Variants in CADM2 observed in about 807,000 individuals in gnomAD.
CADM2 encodes the protein immunoglobulin superfamily member 4D.
In CADM2, 12 loss-of-function variants were observed where a neutral mutation model predicts 49.8. That is an observed-to-expected ratio of 0.24 (90% CI 0.15 to 0.39). The LOEUF is 0.39. CADM2 is among the 10% of genes least tolerant of loss of function. The pLI is 1.00. For synonymous variants in CADM2, 214 were observed against 175.4 expected, an observed-to-expected ratio of 1.22 and a Z score of -1.74; for missense variants, 378 against 492.3, an observed-to-expected ratio of 0.77 and a Z score of 2.20.
chr3:85,621,210 C>G (rs1341763084), intron 1 of CADM2, among the ~76,000 whole-genome samples: 2 of 151,974 alleles, frequency 1.3e-5, no homozygotes, highest in African/African-American at 2.4e-5. Flanking sequence ...TGATCAGAAA[C>G]TATGTCTTAA....
At position 86,068,476 on chromosome 3, in the gene CADM2, G is replaced by A. The variant is rs1229254623; in HGVS notation, c.*1693G>A. 6.6e-6 allele frequency: 1 copy of A among 151,874 alleles called. No homozygotes were observed. The highest frequency in any genetic ancestry group is 1.5e-5 in the Non-Finnish European group (1 of 67,830). The allele number at this position is 151,874 out of a possible 1,614,324, so 9.4% of individuals were successfully genotyped here. A position where few individuals can be genotyped will look rare whatever the true frequency, so the allele number is the denominator to read the frequency against. The stretch of plus-strand genomic sequence containing the variant: ...ATACTTGTGATGTCTGACGCATGAT[G>A]GCCTATGGTTTTAAAAATAGTATTG... On this transcript the variant is annotated 3_prime_UTR_variant, in exon 10 of 10. Coordinates refer to ENST00000383699, the MANE Select transcript of CADM2 (RefSeq NM_001167675.2).
chr3:85,185,450 T>C (rs748463461), intron 1 of CADM2, among the ~76,000 whole-genome samples: 1 of 152,164 alleles, frequency 6.6e-6, no homozygotes, highest in Non-Finnish European at 1.5e-5. Context: ...ATATGTTCTT[T>C]TTCCCATATC....
At chr3:85,302,106 A>G (rs1029590247) in intron 1 of CADM2, among the ~76,000 whole-genome samples, 1 of 152,040 alleles carries the variant, frequency 6.6e-6, no homozygotes, top group African/African-American at 2.4e-5. Context: ...ACTTTGCTTT[A>G]AACTGTATAC....
At chr3:84,964,037 T>C (rs2030776217) in intron 1 of CADM2, among the ~76,000 whole-genome samples, 1 of 152,214 alleles carries the variant, frequency 6.6e-6, no homozygotes, top group African/African-American at 2.4e-5. Context: ...ACTAGTTTTA[T>C]ATCAAGATGT....
In CADM2 at chr3:85,071,108, T is replaced by G. The variant is rs1250356759; in HGVS notation, c.61+111440T>G. The stretch of plus-strand genomic sequence containing the variant: ...TTCTCCATAAGAAATGTTAAATAAT[T>G]AACAAATATTAAAATACTTCGTAAA... On this transcript the variant is annotated intron_variant, in intron 1 of 9. Coordinates refer to ENST00000383699, the MANE Select transcript of CADM2 (RefSeq NM_001167675.2). 2.0e-5 allele frequency among the ~76,000 whole-genome samples: 3 copies of G among 151,908 alleles called. No individual in the cohort carries two copies. In the East Asian group the frequency reaches 5.8e-4, roughly 29 times the overall value.
intron 1 of CADM2, among the ~76,000 whole-genome samples, chr3:85,347,641 A>G (rs569620904): frequency 9.4e-4 from 33 of 35,162 alleles, no homozygotes; most frequent in Middle Eastern, 0.021. Context: ...ATATATATAC[A>G]TATATATATA....
chr3:85,845,382 C>T (rs1436255049), intron 3 of CADM2, among the ~76,000 whole-genome samples: 1 of 152,082 alleles, frequency 6.6e-6, no homozygotes, highest in East Asian at 1.9e-4. Flanking sequence ...CCTCCGGAGA[C>T]CACTCTCAGA....
chr3:84,986,634 A>G (rs994644713), intron 1 of CADM2, among the ~76,000 whole-genome samples: 5 of 151,916 alleles, frequency 3.3e-5, no homozygotes, highest in African/African-American at 9.7e-5. Context: ...GGATAGCATT[A>G]GGAGATATAC....
intron 1 of CADM2, among the ~76,000 whole-genome samples, chr3:85,667,461 C>T (rs1005536830): frequency 8.6e-5 from 13 of 151,978 alleles, no homozygotes; most frequent in African/African-American, 2.9e-4. Flanking sequence ...TTCCAGTGCT[C>T]AGTTACATTA....
chr3:85,969,784 G>T (rs1462514615), intron 8 of CADM2, among the ~76,000 whole-genome samples: 1 of 150,870 alleles, frequency 6.6e-6, no homozygotes, highest in Admixed American at 6.7e-5. Flanking sequence ...CTAAATAGTA[G>T]GTGCTCAATA....
At chr3:85,305,339 T>A (rs2044188001) in intron 1 of CADM2, among the ~76,000 whole-genome samples, 1 of 151,666 alleles carries the variant, frequency 6.6e-6, no homozygotes, top group South Asian at 2.1e-4. Flanking sequence ...CACATTACTC[T>A]TCTCTTTCTG....
intron 8 of CADM2, among the ~76,000 whole-genome samples, chr3:86,004,433 G>A (rs552298825): frequency 1.1e-4 from 17 of 152,290 alleles, no homozygotes; most frequent in African/African-American, 3.8e-4. Context: ...TGTCATTTTT[G>A]TGAGGTTACT....
intron 1 of CADM2, among the ~76,000 whole-genome samples, chr3:85,279,006 CTTA>C (rs140980536): frequency 2.4e-3 from 368 of 151,242 alleles, no homozygotes; most frequent in African/African-American, 8.3e-3. Context: ...AATTGTATAG[CTTA>C]TTAATAAATA....
chr3:85,849,353 T>C (rs73847403), intron 3 of CADM2, among the ~76,000 whole-genome samples: 7,786 of 152,310 alleles, frequency 0.051, 559 homozygotes, highest in African/African-American at 0.16. Flanking sequence ...TTAGGAATCG[T>C]ATATATGCTA....
chr3:84,989,947 G>T (rs2032790158), intron 1 of CADM2, among the ~76,000 whole-genome samples: 1 of 151,820 alleles, frequency 6.6e-6, no homozygotes, highest in Non-Finnish European at 1.5e-5. Context: ...AAAAATGAAA[G>T]AAACTTATAA....
intron 8 of CADM2, among the ~76,000 whole-genome samples, chr3:85,983,798 TC>T (rs1727755808): frequency 1.6e-5 from 1 of 63,734 alleles, no homozygotes; most frequent in Non-Finnish European, 4.1e-5. Context: ...TATCTACCTA[TC>T]TATCTATCTA....
intron 1 of CADM2, among the ~76,000 whole-genome samples, chr3:85,574,296 A>G (rs544847159): frequency 1.3e-5 from 2 of 152,318 alleles, no homozygotes; most frequent in African/African-American, 2.4e-5. Context: ...GGTTATCTCT[A>G]TGTCTAATTA....
At position 85,449,289 on chromosome 3, in the gene CADM2, T is replaced by C. The variant is rs541022088; in HGVS notation, c.62-277233T>C. 3.6e-3 allele frequency among the ~76,000 whole-genome samples: 549 copies of C among 151,884 alleles called. 4 individuals carry two copies. Among genetic ancestry groups the C allele is most frequent in the African/African-American group, 0.013 (522 of 41,522 alleles). ...ATAAAATTGGTCTATGGGGTCTAGA[T>C]GAAGATTTTGTTATATAAAGGCGAG... On this transcript the variant is annotated intron_variant, in intron 1 of 9. Transcript: ENST00000383699.
intron 1 of CADM2, among the ~76,000 whole-genome samples, chr3:85,657,497 C>G (rs2065237699): frequency 6.6e-6 from 1 of 151,816 alleles, no homozygotes; most frequent in African/African-American, 2.4e-5. Flanking sequence ...GTTTCTGTCT[C>G]AAATGACATC....
Sources: gnomAD v4.1 joint callset for allele counts (sites outside exome capture counted in the v4.1 genomes callset) on GRCh38, gnomAD v4.1.1 for gene constraint, MANE v1.5 for transcripts, NCBI Gene and HGNC (gene_info 2026-07-23, HGNC 2026-07-21) for gene names.